Variants in ITPR2 observed in about 807,000 individuals in gnomAD.
ITPR2 encodes the protein inositol 1,4,5-trisphosphate receptor type 2, also known as inositol 1,4,5-trisphosphate-gated calcium channel ITPR2.
ITPR2 carries 207 observed loss-of-function variants against 317.1 expected under a neutral mutation model. The observed-to-expected ratio is 0.65, with a 90% CI of 0.58 to 0.73. The LOEUF (loss-of-function observed/expected upper bound fraction) is 0.73. Ranked by LOEUF, ITPR2 falls within the 30% of genes least tolerant of loss-of-function variation. The pLI, the probability that ITPR2 is intolerant of heterozygous loss-of-function variation, is 0.00. For missense variants in ITPR2, 2,613 were observed against 3,284.0 expected (o/e 0.80, Z 4.99); for synonymous variants, 1,156 against 1,149.1 (o/e 1.01, Z -0.12).
intron 2 of ITPR2, among the ~76,000 whole-genome samples, chr12:26,760,464 T>C (rs1949610654): frequency 2.0e-5 from 2 of 98,700 alleles, no homozygotes. Flanking sequence ...TCCCAGTAAG[T>C]GGCAGTGCCA....
Position 26,597,052 on chromosome 12 carries a change from T to C in ITPR2, c.4085A>G (p.Glu1362Gly). 1 of 1,614,092 alleles carries C rather than the reference T, an allele frequency of 6.2e-7. No homozygotes were observed. The highest frequency in any genetic ancestry group is 2.2e-5 in the East Asian group (1 of 44,884). Residue 1362 changes from glutamate (E) to glycine (G), a missense_variant, in exon 31 of 57, where the codon GAG (glutamate) becomes GGG (glycine). Physicochemically the swap from Glu to Gly is moderately conservative, Grantham distance 98 (BLOSUM62 -2). Transcript: ENST00000381340. ...GCCACTCTCATCCCCTCGGTCTCTCTCTGAACACATCATATGGAGAAGGAT... is the reference window on the plus strand; with the variant it reads ...GCCACTCTCATCCCCTCGGTCTCTCCCTGAACACATCATATGGAGAAGGAT... ...FPILLHMMCSERDRGDESGPL... is the reference protein window; with the variant it reads ...FPILLHMMCSGRDRGDESGPL...
At chr12:26,520,162 A>G (rs546014409) in intron 37 of ITPR2, among the ~76,000 whole-genome samples, 1 of 152,330 alleles carries the variant, frequency 6.6e-6, no homozygotes, top group Non-Finnish European at 1.5e-5. Context: ...TTTCAGAGAA[A>G]CATACCAGTT....
At chr12:26,711,718 A>T (rs1391399552) in intron 8 of ITPR2, among the ~76,000 whole-genome samples, 1 of 152,252 alleles carries the variant, frequency 6.6e-6, no homozygotes, top group Non-Finnish European at 1.5e-5. Flanking sequence ...GTAAGATTTG[A>T]CAAGTGCCAG....
intron 54 of ITPR2, among the ~76,000 whole-genome samples, chr12:26,391,833 T>G (rs922938858): frequency 1.8e-4 from 28 of 152,048 alleles, no homozygotes; most frequent in African/African-American, 6.8e-4. Context: ...CCAAAGTTGC[T>G]GAGATTACAG....
At chr12:26,430,009 C>A (rs1941162879) in intron 48 of ITPR2, among the ~76,000 whole-genome samples, 1 of 152,182 alleles carries the variant, frequency 6.6e-6, no homozygotes, top group African/African-American at 2.4e-5. Context: ...GAGATATCCC[C>A]TTGATCAAAC....
intron 34 of ITPR2, among the ~76,000 whole-genome samples, chr12:26,578,156 C>T (rs1945318141): frequency 6.6e-6 from 1 of 151,886 alleles, no homozygotes; most frequent in African/African-American, 2.4e-5. Flanking sequence ...GGGAATGGCC[C>T]TAATTAACTT....
intron 2 of ITPR2, among the ~76,000 whole-genome samples, chr12:26,757,388 G>T (rs938716661): frequency 6.6e-6 from 1 of 151,992 alleles, no homozygotes. Flanking sequence ...GCTAATTTTT[G>T]TATTTTTAGG....
At chr12:26,350,001 T>A (rs1003404436) in intron 55 of ITPR2, among the ~76,000 whole-genome samples, 2 of 152,150 alleles carry the variant, frequency 1.3e-5, no homozygotes, top group Non-Finnish European at 2.9e-5. Context: ...ACCCCTGGCT[T>A]TATAGGCAGC....
Position 26,699,129 on chromosome 12 carries a change from TAC to T in ITPR2, c.952-3481_952-3480del, listed in dbSNP as rs1246021781. 8.5e-4 allele frequency among the ~76,000 whole-genome samples: 130 copies of T among 152,052 alleles called. 1 individual carries two copies. The highest frequency in any genetic ancestry group is 1.6e-4 in the Non-Finnish European group (11 of 67,988). On this transcript the variant is annotated intron_variant, in intron 9 of 56. Transcript: ENST00000381340. ...ACTCAATACACATTAGAATGGTTATTACAGACACTTGAAATTCAATGCTGGAA... is the reference window on the plus strand; with the variant it reads ...ACTCAATACACATTAGAATGGTTATTAGACACTTGAAATTCAATGCTGGAA...
chr12:26,447,100 T>A (rs1371013897), intron 45 of ITPR2, among the ~76,000 whole-genome samples: 1 of 152,100 alleles, frequency 6.6e-6, no homozygotes, highest in African/African-American at 2.4e-5. Flanking sequence ...CTTACTCATC[T>A]CTTTGTTCTC....
chr12:26,567,943 A>ATATATATTATATATATATATATAT (rs1945019422), intron 34 of ITPR2, among the ~76,000 whole-genome samples: 1 of 32,134 alleles, frequency 3.1e-5, no homozygotes, highest in African/African-American at 1.0e-4. Context: ...TCTGGTATAT[A>ATATATATTATATATATATATATAT]TATATATTAT....
At chr12:26,545,575 C>T (rs1343819659) in intron 37 of ITPR2, among the ~76,000 whole-genome samples, 1 of 152,150 alleles carries the variant, frequency 6.6e-6, no homozygotes, top group Non-Finnish European at 1.5e-5. Context: ...ACTTTCAAAA[C>T]TGTAAGATAA....
intron 45 of ITPR2, among the ~76,000 whole-genome samples, chr12:26,455,816 G>C (rs1941869553): frequency 6.6e-6 from 1 of 152,144 alleles, no homozygotes; most frequent in Admixed American, 6.6e-5. Flanking sequence ...TATGAACAAA[G>C]TTACTGCCTG....
Position 26,384,418 on chromosome 12 carries a change from GGAGCT to G in ITPR2, c.7857+3011_7857+3015del, listed in dbSNP as rs1464824065. Among the ~76,000 whole-genome samples, 35 of 152,316 alleles carry G rather than the reference GGAGCT, an allele frequency of 2.3e-4. No homozygotes were observed. In the East Asian group the frequency reaches 6.4e-3, roughly 28 times the overall value. Reference sequence around the variant, plus strand: ...CTCCTGGCCATTAAAATTCAGGAATGGAGCTTGTTCTCTTGGATGTGCACTGCTTG... The same window carrying G: ...CTCCTGGCCATTAAAATTCAGGAATGTGTTCTCTTGGATGTGCACTGCTTG... On this transcript the variant is annotated intron_variant, in intron 55 of 56. Coordinates refer to ENST00000381340, the MANE Select transcript of ITPR2 (RefSeq NM_002223.4).
At position 26,715,048 on chromosome 12, in the gene ITPR2, A is replaced by ATG. The variant is rs148080935; in HGVS notation, c.855+249_855+250dup. Among the ~76,000 whole-genome samples, 268 of 151,568 alleles carry ATG rather than the reference A, an allele frequency of 1.8e-3. 3 individuals are homozygous for ATG. Among genetic ancestry groups the ATG allele is most frequent in the Middle Eastern group, 3.4e-3 (1 of 294 alleles). ...TAAGATCGTAATGTACCTTTTGTAA[A>ATG]TGTGTGTGTGTGTGTGCACTTGACA... On this transcript the variant is annotated intron_variant, in intron 8 of 56. Transcript: ENST00000381340.
At chr12:26,761,610 A>G (rs1444660418) in intron 2 of ITPR2, among the ~76,000 whole-genome samples, 2 of 152,254 alleles carry the variant, frequency 1.3e-5, no homozygotes, top group Non-Finnish European at 2.9e-5. Flanking sequence ...CCTGGGCAAC[A>G]TAGTGAGAAC....
intron 10 of ITPR2, among the ~76,000 whole-genome samples, chr12:26,691,552 A>G (rs1001129580): frequency 3.9e-5 from 6 of 152,120 alleles, no homozygotes; most frequent in East Asian, 3.9e-4. Context: ...TCAGAAAGAA[A>G]GCCACATAGC....
At chr12:26,811,853 GAAAAAAAA>G (rs35083731) in intron 1 of ITPR2, among the ~76,000 whole-genome samples, 1 of 71,916 alleles carries the variant, frequency 1.4e-5, no homozygotes, top group Non-Finnish European at 2.5e-5. Context: ...GACTCCGTCT[GAAAAAAAA>G]AAAAAAAAAA....
At chr12:26,357,005 G>C (rs1938661444) in intron 55 of ITPR2, among the ~76,000 whole-genome samples, 1 of 152,184 alleles carries the variant, frequency 6.6e-6, no homozygotes, top group South Asian at 2.1e-4. Flanking sequence ...CCAGTCTGAT[G>C]AAATAACATA....
Sources: allele counts gnomAD v4.1 joint callset (sites outside exome capture counted in the v4.1 genomes callset), GRCh38; gene constraint gnomAD v4.1.1; transcripts MANE v1.5; gene names NCBI Gene and HGNC (gene_info 2026-07-23, HGNC 2026-07-21).